Variants in KLF12 observed in about 807,000 individuals in gnomAD.
The protein encoded by KLF12 is KLF transcription factor 12.
In KLF12, 9 loss-of-function variants were observed where a neutral mutation model predicts 37.8. The ratio of observed to expected loss-of-function variants is 0.24; its 90% CI spans 0.14 to 0.42. The LOEUF is 0.42. Ranked by LOEUF, KLF12 falls within the 10% of genes least tolerant of loss-of-function variation. The pLI is 1.00. For missense variants in KLF12, 411 were observed against 516.0 expected (o/e 0.80, Z 1.97); for synonymous variants, 208 against 202.1 (o/e 1.03, Z -0.25).
intron 2 of KLF12, among the ~76,000 whole-genome samples, chr13:73,953,368 A>C (rs1268745227): frequency 2.0e-5 from 3 of 152,210 alleles, no homozygotes; most frequent in Admixed American, 2.0e-4. Context: ...CATTTTCAAA[A>C]AAAATTTACT....
intron 3 of KLF12, among the ~76,000 whole-genome samples, chr13:73,848,923 G>C (rs976042182): frequency 1.3e-5 from 2 of 152,096 alleles, no homozygotes; most frequent in Non-Finnish European, 2.9e-5. Context: ...TGCTTCATCA[G>C]TATAAACAGG....
intron 2 of KLF12, among the ~76,000 whole-genome samples, chr13:73,950,751 T>G (rs1405582953): frequency 6.6e-6 from 1 of 152,288 alleles, no homozygotes; most frequent in East Asian, 1.9e-4. Context: ...AGATCTGACA[T>G]GTGGAGGCAG....
chr13:73,957,882 C>T (rs1410964845), intron 2 of KLF12, among the ~76,000 whole-genome samples: 1 of 152,044 alleles, frequency 6.6e-6, no homozygotes, highest in East Asian at 1.9e-4. Flanking sequence ...ATACGCTGGG[C>T]AGTAGGGCAA....
intron 1 of KLF12, among the ~76,000 whole-genome samples, chr13:74,011,861 T>C (rs1425602593): frequency 6.6e-6 from 1 of 152,190 alleles, no homozygotes; most frequent in African/African-American, 2.4e-5. Context: ...AGTATTAATA[T>C]ATTATTTTAA....
chr13:73,908,168 C>T (rs767106280), intron 3 of KLF12, among the ~76,000 whole-genome samples: 2 of 151,956 alleles, frequency 1.3e-5, no homozygotes, highest in East Asian at 2.0e-4. Context: ...TCTGGGAGGC[C>T]GAGGTGGGTG....
At chr13:74,301,793 G>T in the KLF12 span, among the ~76,000 whole-genome samples, 2 of 152,116 alleles carry the variant, frequency 1.3e-5, no homozygotes, top group African/African-American at 4.8e-5. Context: ...GCGTTAGAGT[G>T]TACGCTGCAT....
At chr13:73,847,882 A>G (rs187080786) in intron 3 of KLF12, among the ~76,000 whole-genome samples, 3 of 152,220 alleles carry the variant, frequency 2.0e-5, no homozygotes, top group Non-Finnish European at 2.9e-5. Flanking sequence ...AGCATTATCT[A>G]CTCTTGTAAC....
intron 1 of KLF12, among the ~76,000 whole-genome samples, chr13:74,085,670 G>A (rs940912316): frequency 3.3e-5 from 5 of 152,128 alleles, no homozygotes; most frequent in Non-Finnish European, 2.9e-5. Context: ...CTAGCCAGCG[G>A]GTTTCTAACT....
At chr13:74,299,871 G>A in the KLF12 span, among the ~76,000 whole-genome samples, 48 of 152,234 alleles carry the variant, frequency 3.2e-4, no homozygotes, top group African/African-American at 1.1e-3. Flanking sequence ...TTTCTTCAGC[G>A]CCAGCAGTTC....
At position 73,764,990 on chromosome 13, in the gene KLF12, A is replaced by G. The variant is rs774060156; in HGVS notation, c.817T>C (p.Ser273Pro). ...TTGCCCCGGACCCTTGATACTGGGG[A>G]CGGATGTACCCTGTAGACAGAGAAG... The change falls in exon 6 of 8, where the codon TCC becomes CCC. Residue 273 changes from serine (S) to proline (P), a missense_variant. Ser to Pro is a moderately conservative substitution (Grantham distance 74). This residue lies in a region of KLF12 where 351 missense variants were observed against 397.8 expected (regional missense o/e 0.88). Coordinates refer to ENST00000377669, the MANE Select transcript of KLF12 (RefSeq NM_007249.5). 12 of 1,570,646 alleles carry G rather than the reference A, an allele frequency of 7.6e-6. No individual in the cohort carries two copies. The highest frequency in any genetic ancestry group is 1.7e-4 in the Middle Eastern group (1 of 5,958).
intron 1 of KLF12, among the ~76,000 whole-genome samples, chr13:74,019,212 T>C (rs764478312): frequency 1.4e-4 from 22 of 152,186 alleles, no homozygotes; most frequent in Non-Finnish European, 2.2e-4. Context: ...AATACAAATA[T>C]GCAGAAATTA....
chr13:73,984,990 C>A lies in KLF12; in HGVS notation c.33+10000G>T, dbSNP rs78730904. On this transcript the variant is annotated intron_variant, in intron 2 of 7. Coordinates refer to ENST00000377669, the MANE Select transcript of KLF12 (RefSeq NM_007249.5). ...ACAGAATATGGGGGAAATCACATGG[C>A]ATCACTTCCAAGGGTGACACAGCTT... is the stretch of plus-strand genomic sequence containing the variant. Among the ~76,000 whole-genome samples, 89 of 150,490 alleles carry A rather than the reference C, an allele frequency of 5.9e-4. No homozygotes were observed. The East Asian group carries it at 0.015, about 25-fold the overall frequency.
intron 4 of KLF12, among the ~76,000 whole-genome samples, chr13:73,830,742 T>C (rs995416020): frequency 2.0e-5 from 3 of 152,196 alleles, no homozygotes; most frequent in African/African-American, 7.2e-5. Flanking sequence ...GTGTTGTATA[T>C]GTCTTTCTAA....
chr13:74,208,260 C>G, the KLF12 span, among the ~76,000 whole-genome samples: 1 of 152,102 alleles, frequency 6.6e-6, no homozygotes, highest in Non-Finnish European at 1.5e-5. Flanking sequence ...TCTGTCTAAC[C>G]TATATCTTTG....
At chr13:73,787,278 A>G (rs1443365451) in intron 5 of KLF12, among the ~76,000 whole-genome samples, 2 of 152,172 alleles carry the variant, frequency 1.3e-5, no homozygotes, top group African/African-American at 4.8e-5. Flanking sequence ...GACAACATTA[A>G]AAACAACCCA....
At chr13:73,908,993 T>C (rs928243878) in intron 3 of KLF12, among the ~76,000 whole-genome samples, 3 of 152,204 alleles carry the variant, frequency 2.0e-5, no homozygotes, top group African/African-American at 7.2e-5. Context: ...TAATGCACAG[T>C]TGGCATTGTG....
rs1325313384 is a variant in KLF12, at chr13:73,692,025, A to T, written c.*3465T>A. The T allele has an allele frequency of 3.3e-5, 5 of 152,540 alleles. No homozygotes were observed. Among genetic ancestry groups the T allele is most frequent in the Non-Finnish European group, 7.4e-5 (5 of 68,004 alleles). 9.4% of individuals were successfully genotyped at this position (152,540 alleles called of 1,614,324 possible). On this transcript the variant is annotated 3_prime_UTR_variant, in exon 8 of 8. Transcript: ENST00000377669. ...GCTTTCAAGTGAATGAAAAGTGCTC[A>T]TTTTTTTAAAAAATGTGGTTTATGT...
At chr13:73,955,292 A>G (rs1189719342) in intron 2 of KLF12, among the ~76,000 whole-genome samples, 1 of 152,214 alleles carries the variant, frequency 6.6e-6, no homozygotes, top group Admixed American at 6.5e-5. Context: ...TGCAGAAACC[A>G]CTAAGTTTTG....
intron 4 of KLF12, among the ~76,000 whole-genome samples, chr13:73,815,256 C>T (rs979437030): frequency 6.6e-5 from 10 of 152,188 alleles, no homozygotes; most frequent in African/African-American, 2.4e-4. Context: ...CCATCACTAT[C>T]TGGTAACAGA....
Sources: gnomAD v4.1 joint callset for allele counts (sites outside exome capture counted in the v4.1 genomes callset) on GRCh38, gnomAD v4.1.1 for gene constraint, gnomAD v4.1.1 regional missense constraint, MANE v1.5 for transcripts, NCBI Gene and HGNC (gene_info 2026-07-23, HGNC 2026-07-21) for gene names.